The following DIAPH1 variants were observed in gnomAD, a reference collection of about 807,000 sequenced individuals.
DIAPH1 encodes the protein protein diaphanous homolog 1.
In DIAPH1, 46 loss-of-function variants were observed where a neutral mutation model predicts 140.7. The observed-to-expected ratio is 0.33, with a 90% CI of 0.26 to 0.42. DIAPH1 has a LOEUF of 0.42. Among genes scored for constraint, DIAPH1 ranks in the 10% least tolerant of loss-of-function variants. The probability of loss-of-function intolerance (pLI) is 1.00; values close to 1 mark genes in which losing one functional copy is unlikely to be tolerated. For missense variants in DIAPH1, 1,310 were observed against 1,558.7 expected (o/e 0.84, Z 2.69); for synonymous variants, 565 against 551.6 (o/e 1.02, Z -0.34).
At chr5:141,532,815 AATATC>A (rs2099888434) in intron 19 of DIAPH1, among the ~76,000 whole-genome samples, 1 of 152,120 alleles carries the variant, frequency 6.6e-6, no homozygotes. Flanking sequence ...TTTCCATATC[AATATC>A]ATAACACTAG....
intron 1 of DIAPH1, among the ~76,000 whole-genome samples, chr5:141,599,701 C>T (rs2099899843): frequency 6.6e-6 from 1 of 152,170 alleles, no homozygotes; most frequent in African/African-American, 2.4e-5. Context: ...GACATCCACC[C>T]TTGCTCATGG....
intron 27 of DIAPH1, chr5:141,518,848 T>C: frequency 8.2e-7 from 1 of 1,220,948 alleles, no homozygotes; most frequent in Non-Finnish European, 1.2e-6. Flanking sequence ...CCAGGTCTTC[T>C]CTCCCTGCAG....
chr5:141,599,474 T>C (rs1002647596), intron 1 of DIAPH1, among the ~76,000 whole-genome samples: 2 of 152,200 alleles, frequency 1.3e-5, no homozygotes, highest in African/African-American at 2.4e-5. Flanking sequence ...CTGACGATTC[T>C]AGGAGGCCCA....
chr5:141,517,741 A>G (rs1401258958), intron 27 of DIAPH1, among the ~76,000 whole-genome samples: 2 of 152,174 alleles, frequency 1.3e-5, no homozygotes, highest in African/African-American at 2.4e-5. Context: ...TGGACAGGAG[A>G]GGACCCCTAC....
chr5:141,585,577 G>A (rs1490641384), intron 3 of DIAPH1, among the ~76,000 whole-genome samples: 2 of 152,024 alleles, frequency 1.3e-5, no homozygotes, highest in Admixed American at 6.6e-5. Context: ...TGAGGTGGGT[G>A]GATCACAAGG....
chr5:141,533,730 CTAGACCATCTGTGG>C (rs1349523202), intron 19 of DIAPH1, among the ~76,000 whole-genome samples: 4 of 152,060 alleles, frequency 2.6e-5, no homozygotes, highest in Admixed American at 6.6e-5. Flanking sequence ...TGTCCAGTGG[CTAGACCATCTGTGG>C]TAGACTTTCT....
Position 141,520,766 on chromosome 5 carries a change from C to T in DIAPH1, c.3661+3377G>A, listed in dbSNP as rs62379247. On this transcript the variant is annotated intron_variant, in intron 27 of 27. Transcript: ENST00000389054. ...GAAGGTATGAAAGAATATTTCCGGC[C>T]CATACTGTGGGTTCACTGCTGTCTC... Among the ~76,000 whole-genome samples the T allele has an allele frequency of 3.2e-3, 484 of 152,238 alleles. 1 individual carries two copies. The highest frequency in any genetic ancestry group is 3.0e-3 in the Non-Finnish European group (207 of 68,016).
intron 27 of DIAPH1, chr5:141,518,998 T>G: frequency 6.4e-7 from 1 of 1,550,632 alleles, no homozygotes; most frequent in South Asian, 1.2e-5. Flanking sequence ...AGAGGTTGTC[T>G]ACCAAGAGGA....
At position 141,526,032 on chromosome 5, in the gene DIAPH1, C is replaced by G. The variant is rs538555634; in HGVS notation, c.3574+6G>C. The G allele has an allele frequency of 5.9e-5, 95 of 1,613,956 alleles. No homozygotes were observed. The highest frequency in any genetic ancestry group is 5.2e-4 in the South Asian group (47 of 91,078). On this transcript the variant is annotated splice_donor_region_variant and intron_variant, in intron 26 of 27. Transcript: ENST00000389054. ...CTCAGCCCATCAACCCGTCTTCACT[C>G]CTCACCTGCATTCATGTCTATGAGT...
At chr5:141,544,731 T>G (rs72790092) in intron 18 of DIAPH1, among the ~76,000 whole-genome samples, 18,677 of 152,210 alleles carry the variant, frequency 0.12, 1,231 homozygotes, top group South Asian at 0.15. Flanking sequence ...AAACAAAACT[T>G]ATGAGACTTA....
chr5:141,577,333 C>A, intron 12 of DIAPH1, 142 bp downstream of exon 12: 1 of 745,544 alleles, frequency 1.3e-6, no homozygotes. Context: ...AAGACAACTT[C>A]CTTTATATCG....
intron 13 of DIAPH1, 41 bp downstream of exon 13, chr5:141,576,715 G>C (rs780670687): frequency 4.6e-5 from 59 of 1,277,468 alleles, no homozygotes; most frequent in Non-Finnish European, 6.1e-5. Context: ...ATGAAAGGAA[G>C]AAGCAATACT....
In DIAPH1 at chr5:141,524,140, T is replaced by C. The variant is rs2099886955; in HGVS notation, c.3661+3A>G. On this transcript the variant is annotated splice_donor_region_variant and intron_variant, in intron 27 of 27. Coordinates refer to ENST00000389054, the MANE Select transcript of DIAPH1 (RefSeq NM_005219.5). Reference sequence around the variant, plus strand: ...CCAGGATGAGCTCCATGTGCTTACTTACCTTGACGGGGCCCTCTCTTCCGT... The same window carrying C: ...CCAGGATGAGCTCCATGTGCTTACTCACCTTGACGGGGCCCTCTCTTCCGT... 1 of 1,614,024 alleles carries C rather than the reference T, an allele frequency of 6.2e-7. No individual in the cohort carries two copies.
chr5:141,522,578 C>CAAAAA (rs5871776), intron 27 of DIAPH1, among the ~76,000 whole-genome samples: 6 of 88,936 alleles, frequency 6.7e-5, no homozygotes, highest in Non-Finnish European at 1.2e-4. Flanking sequence ...CCGACGGGGT[C>CAAAAA]AAAAAAAAAA....
At chr5:141,564,839 A>G (rs546290750) in intron 18 of DIAPH1, 1 of 152,386 alleles carries the variant, frequency 6.6e-6, no homozygotes, top group South Asian at 2.1e-4. Flanking sequence ...CTCACTTTAC[A>G]GATAGAGTCA....
At chr5:141,522,770 C>T (rs182947008) in intron 27 of DIAPH1, among the ~76,000 whole-genome samples, 1 of 152,226 alleles carries the variant, frequency 6.6e-6, no homozygotes, top group African/African-American at 2.4e-5. Context: ...AGACTAAATG[C>T]TCGAGCCCAG....
At chr5:141,618,666 G>T in intron 1 of DIAPH1, 132 bp downstream of exon 1, 1 of 614,766 alleles carries the variant, frequency 1.6e-6, no homozygotes, top group Non-Finnish European at 2.9e-6. Context: ...GCAGAGCTGC[G>T]GACCGAGCGA....
intron 18 of DIAPH1, among the ~76,000 whole-genome samples, chr5:141,558,020 C>G (rs1452810127): frequency 1.3e-5 from 2 of 152,064 alleles, no homozygotes; most frequent in African/African-American, 4.8e-5. Context: ...GACAGTAAAG[C>G]GAAGGGAAAG....
chr5:141,601,084 G>A lies in DIAPH1; in HGVS notation c.118-12834C>T, dbSNP rs146096058. On this transcript the variant is annotated intron_variant, in intron 1 of 27. Coordinates refer to ENST00000389054, the MANE Select transcript of DIAPH1 (RefSeq NM_005219.5). ...ACACACCGGGGCCTGTTGTGGGATG[G>A]GGGGAGAGGGGAGGGATAGCATTAG... Among the ~76,000 whole-genome samples the A allele has an allele frequency of 5.8e-3, 879 of 152,090 alleles. 5 individuals carry two copies. The highest frequency in any genetic ancestry group is 0.021 in the African/African-American group (856 of 41,468).
Sources: gnomAD v4.1 joint callset for allele counts (sites outside exome capture counted in the v4.1 genomes callset) on GRCh38, gnomAD v4.1.1 for gene constraint, MANE v1.5 for transcripts, NCBI Gene and HGNC (gene_info 2026-07-23, HGNC 2026-07-21) for gene names.